CNTNAP4: variants seen among roughly 807,000 people sequenced by gnomAD.
CNTNAP4 encodes the protein contactin-associated protein-like 4.
Under a neutral mutation model 148.4 loss-of-function variants are expected in CNTNAP4, and 98 were observed. That is an observed-to-expected ratio of 0.66 (90% CI 0.56 to 0.78). The LOEUF is 0.78. CNTNAP4 is among the 30% of genes least tolerant of loss of function. CNTNAP4 has a pLI of 0.00. For missense variants in CNTNAP4, 1,935 were observed against 1,565.6 expected, an observed-to-expected ratio of 1.24 and a Z score of -3.98; for synonymous variants, 730 against 565.1, an observed-to-expected ratio of 1.29 and a Z score of -4.14.
At chr16:76,545,713 A>G (rs1226429599) in intron 21 of CNTNAP4, among the ~76,000 whole-genome samples, 1 of 152,170 alleles carries the variant, frequency 6.6e-6, no homozygotes, top group Non-Finnish European at 1.5e-5. Flanking sequence ...GGAGAAAGGG[A>G]TTGTTTATTT....
chr16:76,535,914 G>C, intron 18 of CNTNAP4, 130 bp downstream of exon 18: 1 of 958,580 alleles, frequency 1.0e-6, no homozygotes, highest in Non-Finnish European at 1.5e-6. Context: ...CAAAGTATCT[G>C]TTGAATGTAA....
chr16:76,278,307 C>T (rs980277948), intron 1 of CNTNAP4, among the ~76,000 whole-genome samples: 2 of 152,186 alleles, frequency 1.3e-5, no homozygotes, highest in African/African-American at 2.4e-5. Flanking sequence ...TGTGCCCTCG[C>T]TGCTAAGAGA....
At chr16:76,511,431 C>A (rs1453511289) in intron 15 of CNTNAP4, among the ~76,000 whole-genome samples, 1 of 152,090 alleles carries the variant, frequency 6.6e-6, no homozygotes, top group Non-Finnish European at 1.5e-5. Flanking sequence ...AGAAGTGAGA[C>A]TCTTCAACTG....
chr16:76,490,678 A>G (rs1183743070), intron 13 of CNTNAP4, among the ~76,000 whole-genome samples: 1 of 152,212 alleles, frequency 6.6e-6, no homozygotes, highest in Non-Finnish European at 1.5e-5. Flanking sequence ...CTTTTAAGAA[A>G]CACAGTTCTA....
chr16:76,545,939 G>A (rs2084705046), intron 21 of CNTNAP4, among the ~76,000 whole-genome samples: 1 of 152,048 alleles, frequency 6.6e-6, no homozygotes, highest in African/African-American at 2.4e-5. Context: ...GGAGGCTGAG[G>A]CAGTGGAGTC....
chr16:76,485,410 C>T (rs2081994791), intron 12 of CNTNAP4, among the ~76,000 whole-genome samples: 1 of 152,324 alleles, frequency 6.6e-6, no homozygotes, highest in Non-Finnish European at 1.5e-5. Context: ...AGCCACTGTG[C>T]CCAGCCTTCA....
At position 76,489,921 on chromosome 16, in the gene CNTNAP4, A is replaced by G. The variant is rs7201209; in HGVS notation, c.2080+38A>G. The G allele has an allele frequency of 2.1e-4, 280 of 1,323,040 alleles. No individual in the cohort carries two copies. In the African/African-American group the frequency reaches 3.5e-3, roughly 17 times the overall value. The allele number at this position is 1,323,040 out of a possible 1,614,324, so 82.0% of individuals were successfully genotyped here. On this transcript the variant is annotated intron_variant, in intron 13 of 23. Coordinates refer to ENST00000611870, the MANE Select transcript of CNTNAP4 (RefSeq NM_033401.5). Reference sequence around the variant, plus strand: ...TGGTGTCTGTCTTGTTGCACACATCACATCATGCACTTACTCAACTAGCTC... The same window carrying G: ...TGGTGTCTGTCTTGTTGCACACATCGCATCATGCACTTACTCAACTAGCTC...
At chr16:76,285,217 T>C (rs1459821639) in intron 1 of CNTNAP4, among the ~76,000 whole-genome samples, 1 of 152,010 alleles carries the variant, frequency 6.6e-6, no homozygotes, top group Non-Finnish European at 1.5e-5. Context: ...AGTGGTACTC[T>C]AGTAATAAAA....
At chr16:76,452,357 A>G in intron 7 of CNTNAP4, 151 bp from the exon 8 acceptor site, 1 of 674,444 alleles carries the variant, frequency 1.5e-6, no homozygotes, top group South Asian at 1.9e-5. Flanking sequence ...AGAACCTTTA[A>G]GAAATATGGC....
Position 76,541,191 on chromosome 16 carries a change from T to C in CNTNAP4, c.3442+401T>C, listed in dbSNP as rs148804793. On this transcript the variant is annotated intron_variant, in intron 21 of 23. Coordinates refer to ENST00000611870, the MANE Select transcript of CNTNAP4 (RefSeq NM_033401.5). ...TTTAAAAAATGGAAGAAGAATGCAA[T>C]TACTTTTTCTTCTAGTTAGTTAATA... Among the ~76,000 whole-genome samples the C allele has an allele frequency of 4.8e-3, 727 of 152,370 alleles. 6 individuals are homozygous for C. The highest frequency in any genetic ancestry group is 0.017 in the African/African-American group (706 of 41,594).
chr16:76,529,990 T>C (rs916556110), intron 17 of CNTNAP4, among the ~76,000 whole-genome samples: 1 of 152,124 alleles, frequency 6.6e-6, no homozygotes, highest in African/African-American at 2.4e-5. Context: ...ATAGCTTCCT[T>C]TATAAAGTGG....
Position 76,448,934 on chromosome 16 carries a change from A to G in CNTNAP4, c.910A>G (p.Met304Val), listed in dbSNP as rs1441413044. 1.9e-6 allele frequency: 3 copies of G among 1,598,430 alleles called. No individual in the cohort carries two copies. Among genetic ancestry groups the G allele is most frequent in the East Asian group, 4.5e-5 (2 of 44,778 alleles). ...HFHARGEFNL[M>V]NLDYEISFGG... ...CCATGCACGGGGAGAATTCAATCTCATGAATCTTGATTATGAGGTGTGATG... is the reference window on the plus strand; with the variant it reads ...CCATGCACGGGGAGAATTCAATCTCGTGAATCTTGATTATGAGGTGTGATG... Residue 304 changes from methionine (M) to valine (V), a missense_variant, in exon 6 of 24, where the codon ATG becomes GTG. By Grantham distance (21) the Met-to-Val change is conservative (BLOSUM62 1). Transcript: ENST00000611870.
chr16:76,480,134 CAA>C (rs1221121132), intron 12 of CNTNAP4, among the ~76,000 whole-genome samples: 1 of 151,260 alleles, frequency 6.6e-6, no homozygotes, highest in East Asian at 1.9e-4. Flanking sequence ...TGCAATAAAA[CAA>C]GAGAAAGAAA....
At chr16:76,380,786 G>C (rs946494392) in intron 3 of CNTNAP4, among the ~76,000 whole-genome samples, 2 of 152,126 alleles carry the variant, frequency 1.3e-5, no homozygotes, top group African/African-American at 4.8e-5. Flanking sequence ...GATTATGTCA[G>C]CAGTTACCGA....
chr16:76,292,180 C>T (rs975243204), intron 1 of CNTNAP4, among the ~76,000 whole-genome samples: 1 of 152,174 alleles, frequency 6.6e-6, no homozygotes, highest in Non-Finnish European at 1.5e-5. Flanking sequence ...ATGAACTGTT[C>T]AATGTCATCC....
chr16:76,450,939 C>A (rs1434598219), intron 7 of CNTNAP4, among the ~76,000 whole-genome samples: 1 of 152,158 alleles, frequency 6.6e-6, no homozygotes, highest in African/African-American at 2.4e-5. Flanking sequence ...TAATTCTGCC[C>A]AAAGCAGTGA....
intron 2 of CNTNAP4, among the ~76,000 whole-genome samples, chr16:76,327,025 G>T (rs541840097): frequency 1.3e-5 from 2 of 152,072 alleles, no homozygotes; most frequent in South Asian, 2.1e-4. Context: ...TTAAAATTAA[G>T]ATGTGTCATG....
At chr16:76,416,177 G>C (rs1423575312) in intron 3 of CNTNAP4, among the ~76,000 whole-genome samples, 1 of 151,044 alleles carries the variant, frequency 6.6e-6, no homozygotes, top group Non-Finnish European at 1.5e-5. Context: ...TAGCAAACTA[G>C]AGGTTTATCA....
At chr16:76,495,131 A>T (rs1046846323) in intron 14 of CNTNAP4, 65 bp downstream of exon 14, 3 of 1,543,608 alleles carry the variant, frequency 1.9e-6, no homozygotes, top group Admixed American at 1.7e-5. Flanking sequence ...CACTCAAAGT[A>T]TGTATAGCTA....
Sources: allele counts gnomAD v4.1 joint callset (sites outside exome capture counted in the v4.1 genomes callset), GRCh38; gene constraint gnomAD v4.1.1; transcripts MANE v1.5; gene names NCBI Gene and HGNC (gene_info 2026-07-23, HGNC 2026-07-21).